Variants in MYOF observed in about 807,000 individuals in gnomAD.
MYOF encodes fer-1-like 3, myoferlin.
Under a neutral mutation model 284.2 loss-of-function variants are expected in MYOF, and 244 were observed. The ratio of observed to expected loss-of-function variants is 0.86; its 90% CI spans 0.77 to 0.95. The LOEUF (loss-of-function observed/expected upper bound fraction) is 0.95. MYOF is among the 40% of genes least tolerant of loss of function. The pLI is 0.00. For missense variants in MYOF, 2,496 were observed against 2,560.6 expected (o/e 0.97, Z 0.54); for synonymous variants, 904 against 919.7 (o/e 0.98, Z 0.31).
chr10:93,428,944 G>A (rs1413130735), intron 4 of MYOF, among the ~76,000 whole-genome samples: 3 of 152,188 alleles, frequency 2.0e-5, no homozygotes, highest in Non-Finnish European at 4.4e-5. Flanking sequence ...ACCCCCAAAA[G>A]GGTAAGAGGA....
chr10:93,460,010 T>C (rs886539190), intron 1 of MYOF, among the ~76,000 whole-genome samples: 2 of 151,688 alleles, frequency 1.3e-5, no homozygotes, highest in African/African-American at 4.9e-5. Context: ...TTCCAAGAAG[T>C]CCCAGCAAGA....
chr10:93,439,701 T>C (rs1271319597), intron 3 of MYOF, among the ~76,000 whole-genome samples: 1 of 152,210 alleles, frequency 6.6e-6, no homozygotes. Context: ...ATTAAAAGGA[T>C]GATATGGCAA....
intron 1 of MYOF, among the ~76,000 whole-genome samples, chr10:93,465,123 CA>C (rs1212553889): frequency 6.6e-6 from 1 of 152,132 alleles, no homozygotes; most frequent in African/African-American, 2.4e-5. Context: ...TGATCATTCC[CA>C]GTTACAGAGG....
intron 49 of MYOF, 94 bp from the exon 50 acceptor site, chr10:93,316,907 G>T: frequency 1.0e-6 from 1 of 952,602 alleles, no homozygotes; most frequent in Non-Finnish European, 1.7e-6. Context: ...TCTCTCCTTT[G>T]CACCCCCACC....
chr10:93,343,053 T>C (rs1589418300), intron 38 of MYOF, among the ~76,000 whole-genome samples: 1 of 78,700 alleles, frequency 1.3e-5, no homozygotes, highest in South Asian at 1.1e-3. Context: ...TGGAAGTAGA[T>C]TTTTTTTTTA....
chr10:93,357,596 A>C (rs1267772413), intron 29 of MYOF, among the ~76,000 whole-genome samples: 1 of 152,222 alleles, frequency 6.6e-6, no homozygotes, highest in Non-Finnish European at 1.5e-5. Context: ...AACGTAAAAC[A>C]ATGTGGAATA....
chr10:93,423,004 C>G (rs1465673214), intron 5 of MYOF, among the ~76,000 whole-genome samples: 1 of 151,996 alleles, frequency 6.6e-6, no homozygotes, highest in Non-Finnish European at 1.5e-5. Context: ...ATGAAATTGT[C>G]TTTTATCTGC....
At chr10:93,349,401 A>G (rs1403767931) in intron 36 of MYOF, among the ~76,000 whole-genome samples, 2 of 152,158 alleles carry the variant, frequency 1.3e-5, no homozygotes, top group Non-Finnish European at 2.9e-5. Context: ...CTTCCCCCAC[A>G]GCTGCCCCTT....
chr10:93,327,048 A>G (rs1843079991), intron 45 of MYOF, among the ~76,000 whole-genome samples: 1 of 152,044 alleles, frequency 6.6e-6, no homozygotes, highest in Non-Finnish European at 1.5e-5. Flanking sequence ...GTATGGAGAA[A>G]AGATGCTGTG....
intron 3 of MYOF, among the ~76,000 whole-genome samples, chr10:93,441,843 G>A (rs1037473143): frequency 2.0e-5 from 3 of 152,030 alleles, no homozygotes; most frequent in East Asian, 1.9e-4. Flanking sequence ...AATTACAGGC[G>A]TGAGTCACCG....
Position 93,398,738 on chromosome 10 carries a change from A to G in MYOF, c.1221+654T>C, listed in dbSNP as rs78831057. On this transcript the variant is annotated intron_variant, in intron 13 of 53. Coordinates refer to ENST00000359263, the MANE Select transcript of MYOF (RefSeq NM_013451.4). ...TGTGTATGTGTATGTGGTTTGCCGAATCTTGCTTTCATAATTATATGGTTC... is the reference window on the plus strand; with the variant it reads ...TGTGTATGTGTATGTGGTTTGCCGAGTCTTGCTTTCATAATTATATGGTTC... Among the ~76,000 whole-genome samples the G allele has an allele frequency of 2.6e-5, 4 of 152,066 alleles. No individual in the cohort carries two copies. In the East Asian group the frequency reaches 7.7e-4, roughly 29 times the overall value.
At chr10:93,322,595 C>G (rs1162546923) in intron 48 of MYOF, among the ~76,000 whole-genome samples, 1 of 152,196 alleles carries the variant, frequency 6.6e-6, no homozygotes, top group Non-Finnish European at 1.5e-5. Context: ...TGCTGGCACT[C>G]AGTGCAGGTT....
At chr10:93,364,659 T>G (rs1041515035) in intron 26 of MYOF, among the ~76,000 whole-genome samples, 6 of 152,190 alleles carry the variant, frequency 3.9e-5, no homozygotes, top group Admixed American at 6.5e-5. Context: ...AAATCCATAC[T>G]GACTCTCTGC....
intron 4 of MYOF, among the ~76,000 whole-genome samples, chr10:93,426,915 T>A (rs1589551305): frequency 8.4e-6 from 1 of 118,786 alleles, no homozygotes; most frequent in African/African-American, 3.1e-5. Context: ...TGAGACAGAG[T>A]CTCACTCTGT....
intron 16 of MYOF, 33 bp downstream of exon 16, chr10:93,396,109 C>T (rs1052087034): frequency 6.6e-6 from 10 of 1,517,386 alleles, no homozygotes; most frequent in Non-Finnish European, 9.0e-6. Context: ...AGTTCTGTAT[C>T]CAGTCTTGTT....
intron 3 of MYOF, among the ~76,000 whole-genome samples, chr10:93,441,302 C>T (rs1204237894): frequency 2.0e-5 from 3 of 152,276 alleles, no homozygotes; most frequent in Middle Eastern, 3.4e-3. Context: ...ATAAGCAATA[C>T]CACACTTTGC....
In MYOF at chr10:93,426,884, C is replaced by CTTTTT. The variant is rs1169014883; in HGVS notation, c.346-731_346-727dup. ...CGCCTAGGCAAAAGAACGAGACTGTCTTTTTTTTTTTTTTTTTTTTTGAGA... is the reference window on the plus strand; with the variant it reads ...CGCCTAGGCAAAAGAACGAGACTGTCTTTTTTTTTTTTTTTTTTTTTTTTTTGAGA... On this transcript the variant is annotated intron_variant, in intron 4 of 53. Coordinates refer to ENST00000359263, the MANE Select transcript of MYOF (RefSeq NM_013451.4). 3.8e-3 allele frequency among the ~76,000 whole-genome samples: 395 copies of CTTTTT among 104,718 alleles called. 17 individuals carry two copies. The highest frequency in any genetic ancestry group is 0.019 in the Middle Eastern group (3 of 162). 68.7% of individuals were successfully genotyped at this position (104,718 alleles called of 152,430 possible).
chr10:93,337,533 G>T (rs1843670697), intron 40 of MYOF: 1 of 360,188 alleles, frequency 2.8e-6, no homozygotes, highest in Admixed American at 4.2e-5. Context: ...GATCATCGTG[G>T]CCTAATTAGT....
Position 93,353,889 on chromosome 10 carries a change from C to T in MYOF, c.3404-1G>A, listed in dbSNP as rs1468295824. The T allele has an allele frequency of 1.9e-6, 3 of 1,598,236 alleles. No homozygotes were observed. Among genetic ancestry groups the T allele is most frequent in the Non-Finnish European group, 2.6e-6 (3 of 1,170,266 alleles). ...CAGCGCAGATGGTAGATGTAGACTC[C>T]TAAAAAAACAGGATAAAGATTACTT... On this transcript the variant is annotated splice_acceptor_variant, in intron 31 of 53. Coordinates refer to ENST00000359263, the MANE Select transcript of MYOF (RefSeq NM_013451.4). LOFTEE classifies it high-confidence loss of function.
Sources: gnomAD v4.1 joint callset for allele counts (sites outside exome capture counted in the v4.1 genomes callset) on GRCh38, gnomAD v4.1.1 for gene constraint, MANE v1.5 for transcripts, NCBI Gene and HGNC (gene_info 2026-07-23, HGNC 2026-07-21) for gene names.